The following CAMK1D variants were observed in gnomAD, a reference collection of about 807,000 sequenced individuals.
The protein encoded by CAMK1D is calcium/calmodulin-dependent protein kinase type 1D.
In CAMK1D, 9 loss-of-function variants were observed where a neutral mutation model predicts 47.7. That is an observed-to-expected ratio of 0.19 (90% CI 0.11 to 0.33). The LOEUF (loss-of-function observed/expected upper bound fraction) is 0.33, where lower values mean the gene tolerates loss of function less well. CAMK1D is among the 10% of genes least tolerant of loss of function. The probability of loss-of-function intolerance (pLI) is 1.00; values close to 1 mark genes in which losing one functional copy is unlikely to be tolerated. For synonymous variants in CAMK1D, 184 were observed against 184.9 expected, an observed-to-expected ratio of 0.99 and a Z score of 0.04; for missense variants, 291 against 488.7, an observed-to-expected ratio of 0.60 and a Z score of 3.81.
intron 1 of CAMK1D, among the ~76,000 whole-genome samples, chr10:12,406,384 C>T (rs998438489): frequency 6.6e-6 from 1 of 152,080 alleles, no homozygotes; most frequent in Non-Finnish European, 1.5e-5. Flanking sequence ...TAGTTAATAT[C>T]TGGCAAAAGC....
rs540194576 is a variant in CAMK1D at position 12,473,465 on chromosome 10, C to T, written c.93-79760C>T. Among the ~76,000 whole-genome samples, 9 of 152,182 alleles carry T rather than the reference C, an allele frequency of 5.9e-5. No homozygotes were observed. The South Asian group carries it at 1.9e-3, about 32-fold the overall frequency. ...AAAAAAAAACTGTAACAATAATGAA[C>T]CCTTTCATAGTCCTTATTATGTGCA... On this transcript the variant is annotated intron_variant, in intron 1 of 10. Transcript: ENST00000619168.
At chr10:12,655,271 G>T (rs139548945) in intron 2 of CAMK1D, among the ~76,000 whole-genome samples, 2 of 152,214 alleles carry the variant, frequency 1.3e-5, no homozygotes, top group African/African-American at 2.4e-5. Context: ...GTGGGAGGGG[G>T]AGGTGCCACA....
rs924928340 is a variant in CAMK1D at position 12,761,102 on chromosome 10, A to G, written c.438+16A>G. 3.7e-6 allele frequency: 6 copies of G among 1,610,010 alleles called. No homozygotes were observed. In the Admixed American group the frequency reaches 1.0e-4, roughly 27 times the overall value. On this transcript the variant is annotated intron_variant, in intron 4 of 10. Transcript: ENST00000619168. ...AGACCTCAAGGTGAGGCCATCGCTC[A>G]GCAGCATCCTGCAGCCACTCTGCAG...
At position 12,694,153 on chromosome 10, in the gene CAMK1D, A is replaced by T. The variant is rs867735753; in HGVS notation, c.299+27343A>T. ...TATATTATATATAATATAATATATAATATATATTATGCATAATATATATTA... is the reference window on the plus strand; with the variant it reads ...TATATTATATATAATATAATATATATTATATATTATGCATAATATATATTA... On this transcript the variant is annotated intron_variant, in intron 3 of 10. Transcript: ENST00000619168. Among the ~76,000 whole-genome samples, 15 of 46,734 alleles carry T rather than the reference A, an allele frequency of 3.2e-4. 2 individuals carry two copies. The highest frequency in any genetic ancestry group is 1.7e-3 in the Admixed American group (4 of 2,390). 30.7% of individuals were successfully genotyped at this position (46,734 alleles called of 152,430 possible).
intron 3 of CAMK1D, among the ~76,000 whole-genome samples, chr10:12,713,567 T>C (rs1439118006): frequency 1.3e-5 from 2 of 152,156 alleles, no homozygotes; most frequent in Non-Finnish European, 2.9e-5. Context: ...AGGGAGGGAA[T>C]GCGGACTAGG....
chr10:12,486,968 TAAAAC>T (rs1451540674), intron 1 of CAMK1D, among the ~76,000 whole-genome samples: 4 of 151,924 alleles, frequency 2.6e-5, no homozygotes, highest in African/African-American at 9.7e-5. Context: ...AATTCACACA[TAAAAC>T]AAAACTGGGC....
At chr10:12,642,218 T>G (rs1421433298) in intron 2 of CAMK1D, among the ~76,000 whole-genome samples, 1 of 152,174 alleles carries the variant, frequency 6.6e-6, no homozygotes, top group African/African-American at 2.4e-5. Flanking sequence ...TTCATCACAT[T>G]TCTATACTAA....
intron 1 of CAMK1D, among the ~76,000 whole-genome samples, chr10:12,397,875 G>A (rs1015237092): frequency 1.3e-5 from 2 of 152,158 alleles, no homozygotes; most frequent in Non-Finnish European, 2.9e-5. Context: ...CTTGAAAAAT[G>A]TAAAGACCTG....
chr10:12,370,530 A>AGT (rs1475428690), intron 1 of CAMK1D, among the ~76,000 whole-genome samples: 1 of 152,172 alleles, frequency 6.6e-6, no homozygotes, highest in Non-Finnish European at 1.5e-5. Flanking sequence ...AAGACCTTCC[A>AGT]GTGGGACAAG....
intron 1 of CAMK1D, among the ~76,000 whole-genome samples, chr10:12,464,776 C>G (rs1833542333): frequency 6.7e-6 from 1 of 150,066 alleles, no homozygotes. Context: ...GATCTCGCCA[C>G]TGCACTCCAG....
At chr10:12,826,924 T>C (rs1025448826) in intron 10 of CAMK1D, among the ~76,000 whole-genome samples, 1 of 152,224 alleles carries the variant, frequency 6.6e-6, no homozygotes, top group Non-Finnish European at 1.5e-5. Context: ...TGTCCCCATG[T>C]CTGAGCACAC....
chr10:12,479,940 GC>G (rs965352453), intron 1 of CAMK1D, among the ~76,000 whole-genome samples: 2 of 151,950 alleles, frequency 1.3e-5, no homozygotes, highest in Non-Finnish European at 2.9e-5. Flanking sequence ...TCTGCTTTCT[GC>G]CCCCCCAAAT....
At position 12,445,301 on chromosome 10, in the gene CAMK1D, G is replaced by C. The variant is rs116019277; in HGVS notation, c.92+95391G>C. Among the ~76,000 whole-genome samples, 1,060 of 152,358 alleles carry C rather than the reference G, an allele frequency of 7.0e-3. 8 individuals are homozygous for C. Among genetic ancestry groups the C allele is most frequent in the African/African-American group, 0.02 (841 of 41,576 alleles). On this transcript the variant is annotated intron_variant, in intron 1 of 10. Transcript: ENST00000619168. ...AAGAGGAAGGTCCTCCATTCAGTCA[G>C]TTGAGGGGGTTTAGAATTTCATTTT... is the stretch of plus-strand genomic sequence containing the variant.
intron 2 of CAMK1D, 29 bp from the exon 3 acceptor site, chr10:12,666,707 C>T (rs762312674): frequency 6.4e-7 from 1 of 1,567,280 alleles, no homozygotes; most frequent in East Asian, 2.2e-5. Flanking sequence ...ATCATACTCA[C>T]TATTTTGTGC....
chr10:12,683,092 T>TTC (rs1008678507), intron 3 of CAMK1D, among the ~76,000 whole-genome samples: 3 of 150,796 alleles, frequency 2.0e-5, no homozygotes, highest in African/African-American at 7.3e-5. Flanking sequence ...CAGCTAATTT[T>TTC]TTTTTTTTTT....
At chr10:12,411,492 C>T (rs145083885) in intron 1 of CAMK1D, among the ~76,000 whole-genome samples, 670 of 152,078 alleles carry the variant, frequency 4.4e-3, no homozygotes, top group African/African-American at 0.015. Flanking sequence ...TGAGATGCCA[C>T]TGCATTCACC....
At chr10:12,719,178 G>A (rs912512811) in intron 3 of CAMK1D, among the ~76,000 whole-genome samples, 8 of 151,898 alleles carry the variant, frequency 5.3e-5, no homozygotes, top group African/African-American at 9.7e-5. Context: ...AGGCTGAGGC[G>A]GGTGGATCAC....
chr10:12,703,772 G>T (rs934668325), intron 3 of CAMK1D, among the ~76,000 whole-genome samples: 1 of 151,648 alleles, frequency 6.6e-6, no homozygotes, highest in East Asian at 1.9e-4. Flanking sequence ...AGGAGGCTGA[G>T]ACAGGAGAAC....
chr10:12,702,514 A>T (rs2399861), intron 3 of CAMK1D, among the ~76,000 whole-genome samples: 124,713 of 152,238 alleles, frequency 0.82, 55,505 homozygotes, highest in Non-Finnish European at 0.98. Context: ...TGATGCAAAA[A>T]TGCAAGTTCC....
Sources: gnomAD v4.1 joint callset for allele counts (sites outside exome capture counted in the v4.1 genomes callset) on GRCh38, gnomAD v4.1.1 for gene constraint, MANE v1.5 for transcripts, NCBI Gene and HGNC (gene_info 2026-07-23, HGNC 2026-07-21) for gene names.